Variants in CCDC7 observed in about 807,000 individuals in gnomAD.
The protein encoded by CCDC7 is coiled-coil domain-containing protein 7.
CCDC7 carries 183 observed loss-of-function variants against 196.9 expected under a neutral mutation model. That is an observed-to-expected ratio of 0.93 (90% confidence interval 0.82 to 1.05). The LOEUF is 1.05. Among genes scored for constraint, CCDC7 ranks in the 50% least tolerant of loss-of-function variants. The probability of loss-of-function intolerance (pLI) is 0.00; values close to 1 mark genes in which losing one functional copy is unlikely to be tolerated. For missense variants in CCDC7, 1,540 were observed against 1,482.2 expected (o/e 1.04, Z -0.64); for synonymous variants, 525 against 484.6 (o/e 1.08, Z -1.10).
At chr10:32,582,088 T>G (rs1162374424) in intron 16 of CCDC7, among the ~76,000 whole-genome samples, 1 of 135,780 alleles carries the variant, frequency 7.4e-6, no homozygotes, top group Non-Finnish European at 1.6e-5. Context: ...AATTCTATGT[T>G]TTTTTAAACT....
chr10:32,518,780 T>C (rs913639601), intron 11 of CCDC7, among the ~76,000 whole-genome samples: 6 of 152,102 alleles, frequency 3.9e-5, no homozygotes, highest in South Asian at 2.1e-4. Context: ...GGTAAATTAG[T>C]TTTCAAATAT....
At chr10:32,864,981 G>A (rs1216501454) in intron 41 of CCDC7, among the ~76,000 whole-genome samples, 1 of 151,874 alleles carries the variant, frequency 6.6e-6, no homozygotes, top group Admixed American at 6.6e-5. Flanking sequence ...GATGAATCAT[G>A]TACCTAAATC....
intron 29 of CCDC7, among the ~76,000 whole-genome samples, chr10:32,799,889 A>G (rs1258485230): frequency 1.3e-5 from 2 of 152,222 alleles, no homozygotes; most frequent in Non-Finnish European, 2.9e-5. Flanking sequence ...GAGAGTTGAT[A>G]TATCCCTGAG....
At chr10:32,621,427 C>A (rs568295369) in intron 18 of CCDC7, among the ~76,000 whole-genome samples, 1 of 152,278 alleles carries the variant, frequency 6.6e-6, no homozygotes, top group South Asian at 2.1e-4. Flanking sequence ...ATTAGTCAGG[C>A]TTTCCCCCAG....
Position 32,694,872 on chromosome 10 carries a change from T to TA in CCDC7, c.2345-6dup. On this transcript the variant is annotated splice_polypyrimidine_tract_variant and splice_region_variant and intron_variant, in intron 23 of 41. Coordinates refer to ENST00000639629, the Ensembl canonical transcript of CCDC7. ...CATTAAGAGACTAAATGCATCTCCT[T>TA]ATGTAGCTCATGATGAAGAACCAGG... 6.4e-7 allele frequency: 1 copy of TA among 1,565,708 alleles called. No homozygotes were observed. Among genetic ancestry groups the TA allele is most frequent in the Admixed American group, 1.7e-5 (1 of 57,294 alleles).
At chr10:32,688,151 C>A (rs1033392965) in intron 22 of CCDC7, among the ~76,000 whole-genome samples, 3 of 152,134 alleles carry the variant, frequency 2.0e-5, no homozygotes, top group Non-Finnish European at 4.4e-5. Context: ...TTGTGACACA[C>A]TATACACGGT....
intron 13 of CCDC7, 29 bp downstream of exon 14, chr10:32,544,330 A>G (rs2052047063): frequency 1.3e-6 from 2 of 1,588,862 alleles, no homozygotes. Flanking sequence ...CTATGCATCA[A>G]TATTTGATTA....
chr10:32,585,357 G>A (rs2059163735), intron 18 of CCDC7, among the ~76,000 whole-genome samples: 1 of 152,194 alleles, frequency 6.6e-6, no homozygotes, highest in Non-Finnish European at 1.5e-5. Flanking sequence ...ACAGGCGTGA[G>A]CCACCGCGCC....
intron 13 of CCDC7, among the ~76,000 whole-genome samples, chr10:32,545,474 T>C (rs1337866239): frequency 6.6e-6 from 1 of 152,206 alleles, no homozygotes; most frequent in African/African-American, 2.4e-5. Context: ...TCAATGAGTG[T>C]TACATGGTTT....
At chr10:32,750,722 A>G (rs2075528145) in intron 28 of CCDC7, among the ~76,000 whole-genome samples, 1 of 152,204 alleles carries the variant, frequency 6.6e-6, no homozygotes, top group Non-Finnish European at 1.5e-5. Flanking sequence ...GTAACTGGAG[A>G]AAGTTGGAGA....
intron 11 of CCDC7, among the ~76,000 whole-genome samples, chr10:32,539,916 G>T (rs1328284245): frequency 2.6e-5 from 4 of 151,990 alleles, no homozygotes; most frequent in African/African-American, 9.7e-5. Context: ...ACTTGCTAAG[G>T]ATTATTTTAT....
intron 41 of CCDC7, among the ~76,000 whole-genome samples, chr10:32,873,494 C>T (rs1241201646): frequency 6.6e-6 from 1 of 151,944 alleles, no homozygotes; most frequent in African/African-American, 2.4e-5. Flanking sequence ...CCTCCTTTAG[C>T]TTGCAGTAGT....
chr10:32,845,984 T>C, intron 36 of CCDC7, 25 bp downstream of exon 37: 1 of 1,528,400 alleles, frequency 6.5e-7, no homozygotes, highest in Non-Finnish European at 9.1e-7. Flanking sequence ...TTTTCAAGTC[T>C]AATATTTAGG....
intron 21 of CCDC7, among the ~76,000 whole-genome samples, chr10:32,679,734 T>C (rs1275580237): frequency 6.6e-6 from 1 of 152,182 alleles, no homozygotes; most frequent in Non-Finnish European, 1.5e-5. Context: ...GGGTTGCATG[T>C]TTGGGATGGT....
intron 18 of CCDC7, among the ~76,000 whole-genome samples, chr10:32,627,063 T>C (rs1435546457): frequency 6.6e-6 from 1 of 151,652 alleles, no homozygotes; most frequent in African/African-American, 2.4e-5. Context: ...TCCATATGAA[T>C]GTAAAATTTT....
chr10:32,769,882 G>T (rs1446185663), intron 28 of CCDC7, among the ~76,000 whole-genome samples: 6 of 152,130 alleles, frequency 3.9e-5, no homozygotes, highest in Non-Finnish European at 8.8e-5. Context: ...GTCTATCATT[G>T]ATGGGCATTT....
intron 21 of CCDC7, among the ~76,000 whole-genome samples, chr10:32,672,071 T>A (rs57216475): frequency 0.089 from 13,600 of 152,050 alleles, 868 homozygotes; most frequent in East Asian, 0.33. Flanking sequence ...GTGGTGCCAA[T>A]GGAGTGGCTG....
chr10:32,742,033 T>C (rs2085942295), intron 28 of CCDC7, among the ~76,000 whole-genome samples: 2 of 152,230 alleles, frequency 1.3e-5, no homozygotes, highest in South Asian at 4.1e-4. Context: ...TGATGTATTC[T>C]TATAAGGCCA....
chr10:32,696,891 G>GA (rs1349813181), intron 24 of CCDC7, among the ~76,000 whole-genome samples: 2 of 152,032 alleles, frequency 1.3e-5, no homozygotes, highest in East Asian at 1.9e-4. Context: ...CACAATAAAT[G>GA]AAAAAAATTA....
Sources: allele counts gnomAD v4.1 joint callset (sites outside exome capture counted in the v4.1 genomes callset), GRCh38; gene constraint gnomAD v4.1.1; transcripts MANE v1.5; gene names NCBI Gene and HGNC (gene_info 2026-07-23, HGNC 2026-07-21).